UTRN: variants seen among roughly 807,000 people sequenced by gnomAD.
UTRN encodes dystrophin-related protein 1.
In UTRN, 283 loss-of-function variants were observed where a neutral mutation model predicts 463.9. The ratio of observed to expected loss-of-function variants is 0.61; its 90% CI spans 0.55 to 0.67. The LOEUF (loss-of-function observed/expected upper bound fraction) is 0.67, where lower values mean the gene tolerates loss of function less well. Among genes scored for constraint, UTRN ranks in the 30% least tolerant of loss-of-function variants. The pLI is 0.00. For missense variants in UTRN, 3,922 were observed against 4,084.3 expected (o/e 0.96, Z 1.08); for synonymous variants, 1,442 against 1,431.5 (o/e 1.01, Z -0.17).
At chr6:144,420,256 C>T (rs986770385) in intron 3 of UTRN, among the ~76,000 whole-genome samples, 1 of 151,990 alleles carries the variant, frequency 6.6e-6, no homozygotes, top group East Asian at 1.9e-4. Context: ...GGCAGTAATT[C>T]GATACAAGAT....
chr6:144,396,667 T>C (rs1241440663), intron 2 of UTRN, among the ~76,000 whole-genome samples: 4 of 152,164 alleles, frequency 2.6e-5, no homozygotes, highest in Admixed American at 2.0e-4. Flanking sequence ...GGTAGGTGTG[T>C]GGATGAATTG....
chr6:144,530,324 A>G (rs559945640), intron 41 of UTRN, among the ~76,000 whole-genome samples: 18 of 152,204 alleles, frequency 1.2e-4, no homozygotes, highest in Admixed American at 7.2e-4. Flanking sequence ...CACCTATTAT[A>G]AGGACACCAG....
intron 33 of UTRN, among the ~76,000 whole-genome samples, chr6:144,494,552 C>T (rs1004807468): frequency 2.9e-4 from 44 of 152,134 alleles, no homozygotes; most frequent in Admixed American, 7.9e-4. Flanking sequence ...TGCTGGCTCG[C>T]GCAGCCTGCT....
At chr6:144,511,599 C>T (rs1186990838) in intron 35 of UTRN, among the ~76,000 whole-genome samples, 1 of 152,128 alleles carries the variant, frequency 6.6e-6, no homozygotes. Context: ...GTAAAATGGA[C>T]ATTATTATAT....
At chr6:144,489,731 C>G (rs1792861989) in intron 30 of UTRN, among the ~76,000 whole-genome samples, 1 of 152,102 alleles carries the variant, frequency 6.6e-6, no homozygotes, top group Non-Finnish European at 1.5e-5. Flanking sequence ...AAGCAATTCT[C>G]CTGCCTCAGC....
chr6:144,743,926 G>A (rs1427718223), intron 54 of UTRN, among the ~76,000 whole-genome samples: 1 of 151,128 alleles, frequency 6.6e-6, no homozygotes, highest in Non-Finnish European at 1.5e-5. Flanking sequence ...TAAAAATTAT[G>A]AAATATGAAT....
At chr6:144,353,815 C>G (rs1778322125) in intron 2 of UTRN, among the ~76,000 whole-genome samples, 1 of 151,974 alleles carries the variant, frequency 6.6e-6, no homozygotes, top group South Asian at 2.1e-4. Context: ...CCATTAAACT[C>G]CAGCCTGGGC....
At chr6:144,800,802 AG>A (rs1777637487) in intron 64 of UTRN, among the ~76,000 whole-genome samples, 1 of 152,128 alleles carries the variant, frequency 6.6e-6, no homozygotes. Context: ...ATTTCCATTA[AG>A]TGGAAATGCC....
chr6:144,567,022 C>G (rs1333086421), intron 50 of UTRN, among the ~76,000 whole-genome samples: 1 of 151,996 alleles, frequency 6.6e-6, no homozygotes, highest in Non-Finnish European at 1.5e-5. Flanking sequence ...TGACACATGC[C>G]TGTGGTCCCA....
At chr6:144,827,875 TG>T (rs1276820414) in intron 68 of UTRN, among the ~76,000 whole-genome samples, 199 bp downstream of exon 68, 2 of 152,304 alleles carry the variant, frequency 1.3e-5, no homozygotes, top group South Asian at 4.1e-4. Flanking sequence ...ATATATTCTA[TG>T]AAAAGTAAAC....
At chr6:144,409,918 C>T (rs906316613) in intron 3 of UTRN, among the ~76,000 whole-genome samples, 17 of 152,124 alleles carry the variant, frequency 1.1e-4, no homozygotes, top group African/African-American at 3.9e-4. Flanking sequence ...TGGCTAAAGA[C>T]GTCAAAGTCT....
chr6:144,486,078 T>A (rs1396631349), intron 28 of UTRN, among the ~76,000 whole-genome samples: 1 of 152,178 alleles, frequency 6.6e-6, no homozygotes, highest in African/African-American at 2.4e-5. Flanking sequence ...GTTAACTTAA[T>A]AACCGTTTCT....
At chr6:144,296,685 G>A (rs1804738668) in intron 2 of UTRN, among the ~76,000 whole-genome samples, 1 of 152,200 alleles carries the variant, frequency 6.6e-6, no homozygotes, top group South Asian at 2.1e-4. Context: ...TTCCATTGCT[G>A]CTCGGTGACT....
intron 2 of UTRN, among the ~76,000 whole-genome samples, chr6:144,356,831 GAATA>G (rs971287198): frequency 1.9e-4 from 29 of 150,284 alleles, no homozygotes; most frequent in African/African-American, 6.1e-4. Context: ...TCTAAAATAT[GAATA>G]AATAAATAAA....
chr6:144,531,933 C>T (rs968762514), intron 42 of UTRN, among the ~76,000 whole-genome samples: 3 of 151,898 alleles, frequency 2.0e-5, no homozygotes, highest in South Asian at 2.1e-4. Flanking sequence ...GTCAGGAGAT[C>T]GAGACCATCC....
At chr6:144,597,356 T>C (rs1380248309) in intron 51 of UTRN, among the ~76,000 whole-genome samples, 2 of 152,218 alleles carry the variant, frequency 1.3e-5, no homozygotes, top group African/African-American at 4.8e-5. Context: ...CATTTTTTCC[T>C]TTTGCAAAAG....
At chr6:144,612,582 C>A (rs1727063323) in intron 51 of UTRN, among the ~76,000 whole-genome samples, 4 of 152,036 alleles carry the variant, frequency 2.6e-5, no homozygotes, top group Admixed American at 2.6e-4. Flanking sequence ...CAGAAATGAT[C>A]ATCAGGTACA....
In UTRN at chr6:144,539,447, T is replaced by A; in HGVS notation, c.6519+4T>A. 6.3e-7 allele frequency: 1 copy of A among 1,582,500 alleles called. No individual in the cohort carries two copies. The highest frequency in any genetic ancestry group is 8.6e-7 in the Non-Finnish European group (1 of 1,164,248). On this transcript the variant is annotated splice_donor_region_variant and intron_variant, in intron 45 of 74. Transcript: ENST00000367545. ...TGTAAATATGACATGGAATAAGGTG[T>A]GTGTAAAGTTACTATCACACATTTC...
chr6:144,294,888 C>A (rs767965595), intron 2 of UTRN, among the ~76,000 whole-genome samples: 3 of 152,094 alleles, frequency 2.0e-5, no homozygotes, highest in Non-Finnish European at 2.9e-5. Flanking sequence ...TTCATAAATA[C>A]AAAGCCATGT....
Sources: gnomAD v4.1 joint callset for allele counts (sites outside exome capture counted in the v4.1 genomes callset) on GRCh38, gnomAD v4.1.1 for gene constraint, MANE v1.5 for transcripts, NCBI Gene and HGNC (gene_info 2026-07-23, HGNC 2026-07-21) for gene names.